Variants in INSL6 observed in about 807,000 individuals in gnomAD.
INSL6 encodes insulin-like peptide INSL6.
Under a neutral mutation model 9.4 loss-of-function variants are expected in INSL6, and 16 were observed. The observed-to-expected ratio is 1.70, with a 90% CI of 1.15 to 2.59. The LOEUF is 2.59. Ranked by LOEUF, INSL6 falls within the 30% of genes most tolerant of loss-of-function variation. The pLI is 0.00. For missense variants in INSL6, 391 were observed against 257.3 expected, an observed-to-expected ratio of 1.52 and a Z score of -3.56; for synonymous variants, 154 against 96.9, an observed-to-expected ratio of 1.59 and a Z score of -3.46.
At chr9:5,087,892 TTA>T in the INSL6 span, among the ~76,000 whole-genome samples, 1 of 152,250 alleles carries the variant, frequency 6.6e-6, no homozygotes, top group Non-Finnish European at 1.5e-5. Context: ...TAGTGTACAT[TTA>T]TGTTTCCAAT....
At chr9:5,107,342 G>T in the INSL6 span, among the ~76,000 whole-genome samples, 1 of 152,100 alleles carries the variant, frequency 6.6e-6, no homozygotes, top group South Asian at 2.1e-4. Context: ...TATGAAGGCA[G>T]ATTTGACCCA....
At chr9:5,166,517 C>A (rs1825055482) in intron 1 of INSL6, among the ~76,000 whole-genome samples, 1 of 151,794 alleles carries the variant, frequency 6.6e-6, no homozygotes, top group Admixed American at 6.6e-5. Flanking sequence ...TAAATACAGC[C>A]AAGTTTTAAA....
intron 3 of INSL6, chr9:5,127,507 G>C (rs889130331): frequency 4.3e-6 from 1 of 230,974 alleles, no homozygotes; most frequent in African/African-American, 2.2e-5. Flanking sequence ...AGCTTACAAA[G>C]ATATAATCTA....
chr9:5,090,087 G>GAAAGT, the INSL6 span, among the ~76,000 whole-genome samples: 3 of 152,146 alleles, frequency 2.0e-5, no homozygotes, highest in Non-Finnish European at 4.4e-5. Flanking sequence ...AGCTTACCAA[G>GAAAGT]AAAGTATCAT....
the INSL6 span, among the ~76,000 whole-genome samples, chr9:5,006,265 G>A: frequency 6.6e-6 from 1 of 152,110 alleles, no homozygotes. Flanking sequence ...AATTGTGAAC[G>A]GGAGTTCACT....
the INSL6 span, among the ~76,000 whole-genome samples, chr9:5,025,187 A>G: frequency 6.6e-6 from 1 of 151,852 alleles, no homozygotes; most frequent in African/African-American, 2.4e-5. Context: ...GGAACTACCT[A>G]CTCCACCATT....
intron 1 of INSL6, among the ~76,000 whole-genome samples, chr9:5,175,065 G>A (rs923425839): frequency 4.6e-5 from 7 of 151,544 alleles, no homozygotes; most frequent in South Asian, 2.1e-4. Context: ...TCAGTCTCCC[G>A]AGTAGCTGGG....
At chr9:5,090,796 A>G in the INSL6 span, 2 of 1,613,586 alleles carry the variant, frequency 1.2e-6, no homozygotes, top group Non-Finnish European at 1.7e-6. Context: ...AACGAGAAAT[A>G]TATTGGTGGA....
At chr9:4,995,487 G>T in the INSL6 span, among the ~76,000 whole-genome samples, 3 of 152,300 alleles carry the variant, frequency 2.0e-5, no homozygotes, top group South Asian at 6.2e-4. Context: ...TGGTTGTCCA[G>T]TTTCAATACT....
the INSL6 span, chr9:5,111,667 C>T: frequency 2.4e-5 from 10 of 408,492 alleles, no homozygotes; most frequent in Non-Finnish European, 3.8e-5. Context: ...CGCCCAGCAG[C>T]GGCCCTGTGG....
chr9:4,992,237 TG>T, the INSL6 span, among the ~76,000 whole-genome samples: 1 of 152,194 alleles, frequency 6.6e-6, no homozygotes, highest in African/African-American at 2.4e-5. Context: ...ACATGTGGCC[TG>T]GATTTCCTCA....
chr9:5,020,530 G>T, the INSL6 span, among the ~76,000 whole-genome samples: 4 of 152,266 alleles, frequency 2.6e-5, no homozygotes, highest in African/African-American at 7.2e-5. Context: ...GGAGGGTGCA[G>T]TTGCTGTCAG....
the INSL6 span, among the ~76,000 whole-genome samples, chr9:5,013,139 T>A: frequency 2.0e-5 from 3 of 152,246 alleles, no homozygotes; most frequent in Non-Finnish European, 2.9e-5. Flanking sequence ...ACCTCTTTTC[T>A]GTTTGTATTT....
At chr9:5,034,437 T>G in the INSL6 span, among the ~76,000 whole-genome samples, 4 of 151,746 alleles carry the variant, frequency 2.6e-5, no homozygotes, top group Non-Finnish European at 5.9e-5. Flanking sequence ...ACAGAATATA[T>G]ATTTTCAGCA....
At chr9:5,119,247 A>C (rs1823434340), downstream of INSL6, among the ~76,000 whole-genome samples, 1 of 152,216 alleles carries the variant, frequency 6.6e-6, no homozygotes, top group East Asian at 1.9e-4. Context: ...TAAATATATT[A>C]ATAATATGTG....
chr9:5,040,752 G>A, the INSL6 span, among the ~76,000 whole-genome samples: 1 of 152,266 alleles, frequency 6.6e-6, no homozygotes, highest in Non-Finnish European at 1.5e-5. Context: ...CCGGGACCGT[G>A]GTGTGCCAGG....
At chr9:5,067,411 A>G in the INSL6 span, among the ~76,000 whole-genome samples, 1 of 152,148 alleles carries the variant, frequency 6.6e-6, no homozygotes, top group Non-Finnish European at 1.5e-5. Context: ...CTAAGAAACT[A>G]TAGAAGCTTG....
At chr9:5,102,333 T>C in the INSL6 span, among the ~76,000 whole-genome samples, 2 of 151,524 alleles carry the variant, frequency 1.3e-5, no homozygotes, top group African/African-American at 4.9e-5. Flanking sequence ...AGAGGAGAAG[T>C]TTAGAGAAAA....
At chr9:5,157,556 C>T (rs1824839113) in intron 2 of INSL6, among the ~76,000 whole-genome samples, 2 of 152,048 alleles carry the variant, frequency 1.3e-5, no homozygotes, top group African/African-American at 2.4e-5. Flanking sequence ...CCATTTTCAC[C>T]ACACAGAAAA....
Sources: gnomAD v4.1 joint callset for allele counts (sites outside exome capture counted in the v4.1 genomes callset) on GRCh38, gnomAD v4.1.1 for gene constraint, MANE v1.5 for transcripts, NCBI Gene and HGNC (gene_info 2026-07-23, HGNC 2026-07-21) for gene names.